PLXNA1: variants seen among roughly 807,000 people sequenced by gnomAD.
The protein encoded by PLXNA1 is plexin-A1.
A neutral mutation model predicts 191.7 loss-of-function variants in PLXNA1; 77 were observed. That is an observed-to-expected ratio of 0.40 (90% CI 0.33 to 0.49). The LOEUF is 0.49. Among genes scored for constraint, PLXNA1 ranks in the 20% least tolerant of loss-of-function variants. The pLI is 0.63. For synonymous variants in PLXNA1, 1,137 were observed against 1,156.4 expected, an observed-to-expected ratio of 0.98 and a Z score of 0.34; for missense variants, 2,110 against 2,660.2, an observed-to-expected ratio of 0.79 and a Z score of 4.55.
At chr3:127,024,821 G>C (rs2079169358) in intron 23 of PLXNA1, among the ~76,000 whole-genome samples, 1 of 152,164 alleles carries the variant, frequency 6.6e-6, no homozygotes. Context: ...GATGGGCCTA[G>C]GGCTGTTTCC....
intron 29 of PLXNA1, 151 bp downstream of exon 29, chr3:127,030,563 C>A: frequency 1.1e-6 from 1 of 923,120 alleles, no homozygotes; most frequent in Non-Finnish European, 1.6e-6. Flanking sequence ...CAGTCCTGTG[C>A]TAACTGGCCT....
chr3:127,018,881 C>G (rs2079139147), intron 20 of PLXNA1, among the ~76,000 whole-genome samples: 1 of 152,212 alleles, frequency 6.6e-6, no homozygotes, highest in South Asian at 2.1e-4. Flanking sequence ...CCTACTTTCC[C>G]TGGGTGCTGG....
rs781560070 is a variant in PLXNA1 at position 127,003,368 on chromosome 3, C to T, written c.1416C>T (p.Ala472=). Reference sequence around the variant, plus strand: ...TCTCAAACCCCGGTGGCCGGCCTGCCCTGGCCTACGAGAGCGTCGTGGCCC... The same window carrying T: ...TCTCAAACCCCGGTGGCCGGCCTGCTCTGGCCTACGAGAGCGTCGTGGCCC... ...VDLSNPGGRP[A]LAYESVVAQE... is the part of the protein sequence containing the mutation. Residue 472 remains alanine, a synonymous_variant, in exon 4 of 32, where the codon GCC becomes GCT. Coordinates refer to ENST00000393409, the MANE Select transcript of PLXNA1 (RefSeq NM_032242.4). The T allele has an allele frequency of 7.4e-6, 12 of 1,611,236 alleles. No individual in the cohort carries two copies. The highest frequency in any genetic ancestry group is 3.3e-5 in the Admixed American group (2 of 59,930).
intron 12 of PLXNA1, 23 bp downstream of exon 12, chr3:127,014,398 C>CA: frequency 6.4e-7 from 1 of 1,574,602 alleles, no homozygotes; most frequent in East Asian, 2.3e-5. Flanking sequence ...GCCCTGCCCC[C>CA]ACACCCCATG....
chr3:126,990,244 C>T (rs2078983846), intron 2 of PLXNA1, among the ~76,000 whole-genome samples: 2 of 152,256 alleles, frequency 1.3e-5, no homozygotes, highest in South Asian at 4.1e-4. Flanking sequence ...AGCCCAGACA[C>T]CATTTCCATG....
At chr3:127,001,891 T>C (rs2107625804) in intron 3 of PLXNA1, among the ~76,000 whole-genome samples, 1 of 152,348 alleles carries the variant, frequency 6.6e-6, no homozygotes, top group Non-Finnish European at 1.5e-5. Context: ...GGCATCCGCC[T>C]GGGTCTGAGT....
intron 27 of PLXNA1, among the ~76,000 whole-genome samples, 166 bp from the exon 28 acceptor site, chr3:127,029,708 G>A (rs1048161859): frequency 6.6e-6 from 1 of 152,202 alleles, no homozygotes; most frequent in African/African-American, 2.4e-5. Context: ...GCGCCTCCTC[G>A]CGACTGTGTG....
rs1040231643 is a variant in PLXNA1 at position 127,015,075 on chromosome 3, C to T, written c.2878-109C>T. The T allele has an allele frequency of 1.4e-5, 20 of 1,473,802 alleles. No individual in the cohort carries two copies. The East Asian group carries it at 3.2e-4, about 24-fold the overall frequency. The allele number at this position is 1,473,802 out of a possible 1,614,324, so 91.3% of individuals were successfully genotyped here. A position where few individuals can be genotyped will look rare whatever the true frequency, so the allele number is the denominator to read the frequency against. On this transcript the variant is annotated intron_variant, in intron 14 of 31. Coordinates refer to ENST00000393409, the MANE Select transcript of PLXNA1 (RefSeq NM_032242.4). ...AGTGCAGCTCCCGGGCATGCGGGCT[C>T]CTAGTCTGGGGAACTGTCTGTGGGG...
chr3:126,991,314 T>C (rs1346867384), intron 2 of PLXNA1, 70 bp from the exon 3 acceptor site: 1 of 1,564,510 alleles, frequency 6.4e-7, no homozygotes, highest in African/African-American at 1.4e-5. Context: ...CTCCCAGCCC[T>C]GCCCAGGGAG....
intron 21 of PLXNA1, 131 bp from the exon 22 acceptor site, chr3:127,021,954 C>T (rs2079153733): frequency 7.4e-7 from 1 of 1,350,410 alleles, no homozygotes; most frequent in Admixed American, 2.4e-5. Context: ...GGCAACTTGT[C>T]ACTTGCCTTC....
At position 127,014,829 on chromosome 3, in the gene PLXNA1, G is replaced by T; in HGVS notation, c.2875G>T (p.Val959Leu). The change falls in exon 14 of 32, where the codon GTG becomes TTG. Residue 959 changes from valine to leucine, a missense_variant and splice_region_variant. By Grantham distance (32) the Val-to-Leu change is conservative. This residue lies in a region of PLXNA1 where 644 missense variants were observed against 714.3 expected (regional missense o/e 0.90). Transcript: ENST00000393409. ...RALSPKRFTF[V>L]TPTFYRVSPS... The stretch of plus-strand genomic sequence containing the variant: ...CCTGTCACCCAAGCGCTTCACCTTC[G>T]TGGTGAGTCTGCTGCCCTCCCTCTC... 2 of 1,611,578 alleles carry T rather than the reference G, an allele frequency of 1.2e-6. No individual in the cohort carries two copies. The highest frequency in any genetic ancestry group is 8.5e-7 in the Non-Finnish European group (1 of 1,179,406).
rs550332891 is a variant in PLXNA1 at position 127,023,576 on chromosome 3, G to A, written c.4362+758G>A. On this transcript the variant is annotated intron_variant, in intron 23 of 31. Transcript: ENST00000393409. ...TGTAGCCCAGTGATCGAGGGTGGGAGCTGGCACTGACTGCCTGGGTTCGAT... is the reference window on the plus strand; with the variant it reads ...TGTAGCCCAGTGATCGAGGGTGGGAACTGGCACTGACTGCCTGGGTTCGAT... Among the ~76,000 whole-genome samples the A allele has an allele frequency of 2.0e-5, 3 of 152,308 alleles. No individual in the cohort carries two copies. The East Asian group carries it at 5.8e-4, about 29-fold the overall frequency.
At chr3:127,000,476 C>T (rs1195181940) in intron 3 of PLXNA1, among the ~76,000 whole-genome samples, 1 of 152,172 alleles carries the variant, frequency 6.6e-6, no homozygotes, top group Non-Finnish European at 1.5e-5. Flanking sequence ...CCGCTCTGGC[C>T]CCAGGTTCAC....
intron 20 of PLXNA1, among the ~76,000 whole-genome samples, chr3:127,018,843 C>T (rs1010032026): frequency 2.0e-5 from 3 of 152,200 alleles, no homozygotes; most frequent in Admixed American, 6.5e-5. Flanking sequence ...TCAGTCTTGT[C>T]GTCTCTAGAG....
intron 3 of PLXNA1, among the ~76,000 whole-genome samples, chr3:126,992,859 C>T (rs1316629666): frequency 6.6e-6 from 1 of 152,156 alleles, no homozygotes; most frequent in African/African-American, 2.4e-5. Context: ...CCCCTCCCGT[C>T]CTCTCAGCCT....
intron 19 of PLXNA1, 66 bp from the exon 20 acceptor site, chr3:127,018,228 C>A: frequency 7.1e-7 from 1 of 1,402,742 alleles, no homozygotes; most frequent in Non-Finnish European, 9.7e-7. Context: ...TCTTGCCCAT[C>A]GGGAGGGGCT....
At chr3:126,993,517 C>G (rs1380608001) in intron 3 of PLXNA1, among the ~76,000 whole-genome samples, 7 of 152,250 alleles carry the variant, frequency 4.6e-5, no homozygotes, top group South Asian at 2.1e-4. Flanking sequence ...TCCTGGTGAC[C>G]CTGGCCGGGC....
At chr3:127,027,845 C>G in intron 23 of PLXNA1, 95 bp from the exon 24 acceptor site, 1 of 1,540,498 alleles carries the variant, frequency 6.5e-7, no homozygotes, top group Middle Eastern at 1.7e-4. Flanking sequence ...TTTCTCCTTG[C>G]CAGGAACACC....
At chr3:127,021,611 C>T (rs963519391) in intron 21 of PLXNA1, among the ~76,000 whole-genome samples, 1 of 152,130 alleles carries the variant, frequency 6.6e-6, no homozygotes, top group Non-Finnish European at 1.5e-5. Context: ...ATTGTCAAGG[C>T]GGAGGGAGAT....
Sources: gnomAD v4.1 joint callset for allele counts (sites outside exome capture counted in the v4.1 genomes callset) on GRCh38, gnomAD v4.1.1 for gene constraint, gnomAD v4.1.1 regional missense constraint, MANE v1.5 for transcripts, NCBI Gene and HGNC (gene_info 2026-07-23, HGNC 2026-07-21) for gene names.